EXOC6: variants seen among roughly 807,000 people sequenced by gnomAD.
EXOC6 encodes SEC15-like 1.
A neutral mutation model predicts 112.5 loss-of-function variants in EXOC6; 60 were observed. The observed-to-expected ratio is 0.53, with a 90% CI of 0.43 to 0.66. The LOEUF (loss-of-function observed/expected upper bound fraction) is 0.66, where lower values mean the gene tolerates loss of function less well. Among genes scored for constraint, EXOC6 ranks in the 30% least tolerant of loss-of-function variants. EXOC6 has a pLI of 0.00. For missense variants in EXOC6, 855 were observed against 957.1 expected (o/e 0.89, Z 1.41); for synonymous variants, 295 against 308.0 (o/e 0.96, Z 0.44).
intron 2 of EXOC6, 77 bp downstream of exon 2, chr10:92,893,597 A>G (rs1350786314): frequency 1.7e-6 from 2 of 1,194,074 alleles, no homozygotes; most frequent in Non-Finnish European, 2.4e-6. Context: ...CATATGTACA[A>G]GTCATTATTA....
intron 14 of EXOC6, among the ~76,000 whole-genome samples, chr10:92,948,846 A>T (rs1207331496): frequency 6.6e-6 from 1 of 152,214 alleles, no homozygotes; most frequent in East Asian, 1.9e-4. Context: ...CAAAAAGTTT[A>T]TATTGGTTAA....
intron 1 of EXOC6, among the ~76,000 whole-genome samples, chr10:92,884,079 G>A (rs552035226): frequency 6.6e-6 from 1 of 151,876 alleles, no homozygotes; most frequent in African/African-American, 2.4e-5. Flanking sequence ...TTGTATTTTT[G>A]GTAGAAACAG....
intron 1 of EXOC6, among the ~76,000 whole-genome samples, chr10:92,888,249 G>A (rs1044233126): frequency 1.3e-5 from 2 of 152,020 alleles, no homozygotes; most frequent in Admixed American, 6.6e-5. Context: ...AAAAAATATT[G>A]TTTTTCTCCA....
At chr10:93,020,394 C>CATAATA (rs77815473) in intron 20 of EXOC6, among the ~76,000 whole-genome samples, 351 of 151,112 alleles carry the variant, frequency 2.3e-3, no homozygotes, top group African/African-American at 7.2e-3. Context: ...TGATTCAAAC[C>CATAATA]ATAATAATAA....
intron 9 of EXOC6, among the ~76,000 whole-genome samples, chr10:92,928,648 TAAAA>T (rs566205385): frequency 5.7e-5 from 8 of 139,256 alleles, no homozygotes; most frequent in African/African-American, 1.8e-4. Context: ...ACAGCGAATT[TAAAA>T]AAAAAAAAAA....
At chr10:92,971,819 C>T (rs2134079205) in intron 17 of EXOC6, among the ~76,000 whole-genome samples, 1 of 152,202 alleles carries the variant, frequency 6.6e-6, no homozygotes, top group South Asian at 2.1e-4. Context: ...CTATTGGTTG[C>T]TTTTTTTCCG....
At chr10:92,998,540 A>G (rs1398876659) in intron 19 of EXOC6, among the ~76,000 whole-genome samples, 1 of 151,958 alleles carries the variant, frequency 6.6e-6, no homozygotes, top group African/African-American at 2.4e-5. Context: ...CCCACTCTGT[A>G]TAAGGCATTG....
chr10:92,956,740 C>A (rs545979297), intron 17 of EXOC6, among the ~76,000 whole-genome samples: 1 of 152,194 alleles, frequency 6.6e-6, no homozygotes, highest in South Asian at 2.1e-4. Flanking sequence ...CCTAAAAAAG[C>A]AGGCATTCAT....
intron 9 of EXOC6, among the ~76,000 whole-genome samples, chr10:92,931,621 T>C (rs1286267122): frequency 6.6e-6 from 1 of 150,958 alleles, no homozygotes; most frequent in Non-Finnish European, 1.5e-5. Context: ...GGATGGAGAA[T>C]GGACAAAAGA....
At chr10:92,879,628 G>A (rs545350857) in intron 1 of EXOC6, among the ~76,000 whole-genome samples, 1 of 152,220 alleles carries the variant, frequency 6.6e-6, no homozygotes, top group Admixed American at 6.5e-5. Context: ...AGTAAAATAT[G>A]TTTTTGTTTG....
chr10:92,907,860 A>G (rs1460768419), intron 5 of EXOC6, among the ~76,000 whole-genome samples: 1 of 152,066 alleles, frequency 6.6e-6, no homozygotes, highest in East Asian at 1.9e-4. Context: ...ACCACCACCT[A>G]AATATTTTAG....
At chr10:93,051,840 A>G (rs1304022595) in intron 20 of EXOC6, among the ~76,000 whole-genome samples, 2 of 152,148 alleles carry the variant, frequency 1.3e-5, no homozygotes, top group Non-Finnish European at 2.9e-5. Flanking sequence ...CACTCTAGGA[A>G]CCCTGGTCTC....
chr10:93,030,341 T>C (rs1407944306), intron 20 of EXOC6, among the ~76,000 whole-genome samples: 1 of 152,194 alleles, frequency 6.6e-6, no homozygotes, highest in Non-Finnish European at 1.5e-5. Context: ...GCTAGGATTA[T>C]AGGCGTGAGC....
chr10:92,920,321 AT>A (rs1851356797), intron 8 of EXOC6, among the ~76,000 whole-genome samples: 1 of 152,158 alleles, frequency 6.6e-6, no homozygotes, highest in Non-Finnish European at 1.5e-5. Context: ...CACAGTTCTT[AT>A]AAGTTACTTT....
intron 1 of EXOC6, among the ~76,000 whole-genome samples, chr10:92,862,443 G>C (rs997026873): frequency 2.6e-5 from 4 of 152,060 alleles, no homozygotes; most frequent in Admixed American, 2.6e-4. Flanking sequence ...AATGGGACCG[G>C]TAGTAGTCTT....
intron 6 of EXOC6, among the ~76,000 whole-genome samples, chr10:92,911,711 CCTTTT>C (rs1850771552): frequency 6.6e-6 from 1 of 152,038 alleles, no homozygotes; most frequent in Non-Finnish European, 1.5e-5. Context: ...CATACAGAAA[CCTTTT>C]CTTAGCATCT....
chr10:92,924,675 TA>T lies in EXOC6; in HGVS notation c.889-3662del, dbSNP rs113964127. On this transcript the variant is annotated intron_variant, in intron 8 of 21. Transcript: ENST00000260762. Reference sequence around the variant, plus strand: ...TATTGATTAATAGGGGTGCATTTTTTAATGTACTTTTATTTATTTTAGTAGC... The same window carrying T: ...TATTGATTAATAGGGGTGCATTTTTTATGTACTTTTATTTATTTTAGTAGC... Among the ~76,000 whole-genome samples, 12 of 152,184 alleles carry T rather than the reference TA, an allele frequency of 7.9e-5. No individual in the cohort carries two copies. The South Asian group carries it at 1.0e-3, about 13-fold the overall frequency.
upstream of EXOC6, among the ~76,000 whole-genome samples, chr10:92,845,705 G>A (rs565952296): frequency 2.0e-5 from 3 of 152,068 alleles, no homozygotes; most frequent in Admixed American, 6.5e-5. Flanking sequence ...TTAGGAGGCC[G>A]AGGCGGGCAG....
chr10:92,862,543 C>T (rs1232332933), intron 1 of EXOC6, among the ~76,000 whole-genome samples: 1 of 152,142 alleles, frequency 6.6e-6, no homozygotes, highest in Non-Finnish European at 1.5e-5. Flanking sequence ...AACCAGAACT[C>T]ACTAGACATG....
Sources: allele counts gnomAD v4.1 joint callset (sites outside exome capture counted in the v4.1 genomes callset), GRCh38; gene constraint gnomAD v4.1.1; transcripts MANE v1.5; gene names NCBI Gene and HGNC (gene_info 2026-07-23, HGNC 2026-07-21).